MYO7A: variants seen among roughly 807,000 people sequenced by gnomAD.
The protein encoded by MYO7A is unconventional myosin-VIIa.
MYO7A carries 210 observed loss-of-function variants against 263.8 expected under a neutral mutation model. That is an observed-to-expected ratio of 0.80 (90% CI 0.71 to 0.89). The LOEUF is 0.89. Ranked by LOEUF, MYO7A falls within the 40% of genes least tolerant of loss-of-function variation. The pLI, the probability that MYO7A is intolerant of heterozygous loss-of-function variation, is 0.00. For missense variants in MYO7A, 2,820 were observed against 2,968.3 expected (o/e 0.95, Z 1.16); for synonymous variants, 1,239 against 1,197.3 (o/e 1.03, Z -0.72).
At chr11:77,189,233 G>C in intron 27 of MYO7A, 111 bp from the exon 28 acceptor site, 1 of 1,492,816 alleles carries the variant, frequency 6.7e-7, no homozygotes. Context: ...GGTGGTCTTG[G>C]CAAGTTGGAG....
intron 4 of MYO7A, 145 bp from the exon 5 acceptor site, chr11:77,155,762 G>A (rs758322002): frequency 2.9e-5 from 25 of 854,362 alleles, no homozygotes; most frequent in South Asian, 1.1e-4. Flanking sequence ...AAGGAGGCCC[G>A]ATTCTGGCTC....
chr11:77,133,469 CCTT>C (rs1170401935), intron 2 of MYO7A, among the ~76,000 whole-genome samples: 1 of 152,112 alleles, frequency 6.6e-6, no homozygotes, highest in Non-Finnish European at 1.5e-5. Flanking sequence ...AATATAATGT[CCTT>C]CTTTGTTTCT....
At chr11:77,161,262 C>T in intron 12 of MYO7A, 147 bp downstream of exon 12, 1 of 1,046,476 alleles carries the variant, frequency 9.6e-7, no homozygotes, top group Non-Finnish European at 1.4e-6. Context: ...CTCTCCCTTT[C>T]CTTCCCATCC....
chr11:77,199,435 G>A, intron 34 of MYO7A, 100 bp from the exon 35 acceptor site: 1 of 1,304,788 alleles, frequency 7.7e-7, no homozygotes, highest in Non-Finnish European at 1.0e-6. Flanking sequence ...GCCTGACTCT[G>A]GCCAGGCCAG....
At chr11:77,132,934 CG>C (rs1325019398) in intron 2 of MYO7A, among the ~76,000 whole-genome samples, 1 of 152,182 alleles carries the variant, frequency 6.6e-6, no homozygotes, top group East Asian at 1.9e-4. Context: ...GGTCGGCTCC[CG>C]GGGCTCGGGT....
rs946810274 is a variant in MYO7A at position 77,130,229 on chromosome 11, C to T, written c.-46-360C>T. ...TAAGCTGAGTGCCGGAGATTAAGTC[C>T]TAGTCCTAAATTTGCTCTGGCTAGC... On this transcript the variant is annotated intron_variant, in intron 1 of 48. Transcript: ENST00000409709. Among the ~76,000 whole-genome samples, 5 of 152,376 alleles carry T rather than the reference C, an allele frequency of 3.3e-5. No individual in the cohort carries two copies. In the East Asian group the frequency reaches 7.7e-4, roughly 24 times the overall value.
intron 3 of MYO7A, among the ~76,000 whole-genome samples, chr11:77,146,030 G>A (rs1455762596): frequency 6.6e-6 from 1 of 152,222 alleles, no homozygotes. Flanking sequence ...GAGGCACCGT[G>A]GCCTGAGATG....
In MYO7A at chr11:77,158,273, C is replaced by A; in HGVS notation, c.850-4C>A. 1.3e-6 allele frequency: 2 copies of A among 1,590,560 alleles called. No individual in the cohort carries two copies. The highest frequency in any genetic ancestry group is 8.6e-7 in the Non-Finnish European group (1 of 1,163,328). ...GCACCCCACTCTCCCACCCTGCCCA[C>A]CAGGGTAACTGCATAACCTGTGAGG... On this transcript the variant is annotated splice_region_variant and splice_polypyrimidine_tract_variant and intron_variant, in intron 8 of 48. Coordinates refer to ENST00000409709, the MANE Select transcript of MYO7A (RefSeq NM_000260.4).
intron 42 of MYO7A, 33 bp downstream of exon 42, chr11:77,207,435 G>T (rs754365468): frequency 1.4e-6 from 2 of 1,446,478 alleles, no homozygotes; most frequent in Non-Finnish European, 1.9e-6. Flanking sequence ...CAAGGTGGGA[G>T]ATTTGCTGGG....
chr11:77,171,900 G>A (rs1954125547), intron 15 of MYO7A, among the ~76,000 whole-genome samples: 1 of 152,226 alleles, frequency 6.6e-6, no homozygotes. Context: ...GTAGGGCAGG[G>A]AGGCGCAGGG....
At position 77,156,886 on chromosome 11, in the gene MYO7A, G is replaced by T. The variant is rs781998354; in HGVS notation, c.617G>T (p.Arg206Leu). Residue 206 changes from arginine (R) to leucine (L), a missense_variant, in exon 7 of 49, where the codon CGC (arginine) becomes CTC (leucine). By Grantham distance (102) the Arg-to-Leu change is moderately radical. Coordinates refer to ENST00000409709, the MANE Select transcript of MYO7A (RefSeq NM_000260.4). ...LEAFGNAKTI[R>L]NDNSSRFGKY... The stretch of plus-strand genomic sequence containing the variant: ...GCATTTGGGAATGCCAAGACCATCC[G>T]CAATGACAACTCAAGCCGTTTCGGA... 2.5e-6 allele frequency: 4 copies of T among 1,613,832 alleles called. No individual in the cohort carries two copies. The highest frequency in any genetic ancestry group is 3.4e-6 in the Non-Finnish European group (4 of 1,179,906).
intron 44 of MYO7A, chr11:77,209,177 A>C (rs1957693216): frequency 4.4e-6 from 1 of 229,032 alleles, no homozygotes; most frequent in Non-Finnish European, 8.7e-6. Context: ...GGAAGCTTGC[A>C]TGTTGAGCCT....
intron 11 of MYO7A, among the ~76,000 whole-genome samples, 196 bp downstream of exon 11, chr11:77,160,478 C>G (rs1194910415): frequency 6.6e-6 from 1 of 152,196 alleles, no homozygotes; most frequent in Non-Finnish European, 1.5e-5. Flanking sequence ...CTGGCCGCCC[C>G]AGGCCCTTGG....
chr11:77,208,982 C>T (rs1029712645), intron 44 of MYO7A, 179 bp downstream of exon 44: 13 of 605,736 alleles, frequency 2.1e-5, no homozygotes, highest in Non-Finnish European at 3.8e-5. Context: ...ATCCTTGTAT[C>T]TTCTGATTCT....
intron 44 of MYO7A, among the ~76,000 whole-genome samples, chr11:77,209,963 T>C (rs1470528252): frequency 6.6e-6 from 1 of 152,226 alleles, no homozygotes; most frequent in African/African-American, 2.4e-5. Flanking sequence ...TTTCCGCTTC[T>C]CAAGTGTGCC....
chr11:77,181,464 G>A lies in MYO7A; in HGVS notation c.2779G>A (p.Glu927Lys). ...EAARRKKELL[E>K]QMERARHEPV... ...CGCTCGGCGGAAGAAGGAGCTCCTGGAGCAGATGGAAAGGGCCCGCCATGA... is the reference window on the plus strand; with the variant it reads ...CGCTCGGCGGAAGAAGGAGCTCCTGAAGCAGATGGAAAGGGCCCGCCATGA... The change falls in exon 23 of 49, where the codon GAG (glutamate) becomes AAG (lysine). Residue 927 changes from glutamate (E) to lysine (K), a missense_variant. Physicochemically the swap from Glu to Lys is moderately conservative, Grantham distance 56 (BLOSUM62 1). Transcript: ENST00000409709. The A allele has an allele frequency of 6.2e-7, 1 of 1,611,518 alleles. No individual in the cohort carries two copies. The highest frequency in any genetic ancestry group is 8.5e-7 in the Non-Finnish European group (1 of 1,179,244).
At chr11:77,151,059 C>T (rs948393551) in intron 4 of MYO7A, among the ~76,000 whole-genome samples, 2 of 152,218 alleles carry the variant, frequency 1.3e-5, no homozygotes, top group East Asian at 1.9e-4. Context: ...GTCTTGGGCT[C>T]GCCTGCCTCC....
intron 37 of MYO7A, 68 bp downstream of exon 37, chr11:77,202,492 C>G: frequency 6.6e-7 from 1 of 1,516,128 alleles, no homozygotes; most frequent in Non-Finnish European, 8.9e-7. Context: ...ACTGTCTGGT[C>G]GTGTGCTGGG....
At position 77,176,202 on chromosome 11, in the gene MYO7A, C is replaced by T. The variant is rs138347639; in HGVS notation, c.2187+738C>T. 2.8e-4 allele frequency among the ~76,000 whole-genome samples: 43 copies of T among 152,340 alleles called. 1 individual carries two copies. Among genetic ancestry groups the T allele is most frequent in the African/African-American group, 9.9e-4 (41 of 41,570 alleles). On this transcript the variant is annotated intron_variant, in intron 18 of 48. Transcript: ENST00000409709. ...CTGCAGGAGGGACAAGAACCAGCTC[C>T]GAACTGGAGGGAGCCTGCGGCCTCT...
Sources: allele counts gnomAD v4.1 joint callset (sites outside exome capture counted in the v4.1 genomes callset), GRCh38; gene constraint gnomAD v4.1.1; transcripts MANE v1.5; gene names NCBI Gene and HGNC (gene_info 2026-07-23, HGNC 2026-07-21).